The following BFSP2 variants were observed in gnomAD, a reference collection of about 807,000 sequenced individuals.
BFSP2 encodes the protein beaded filament structural protein 2.
Under a neutral mutation model 44.9 loss-of-function variants are expected in BFSP2, and 38 were observed. The observed-to-expected ratio is 0.85, with a 90% CI of 0.65 to 1.11. The LOEUF (loss-of-function observed/expected upper bound fraction) is 1.11. Ranked by LOEUF, BFSP2 falls within the 50% of genes least tolerant of loss-of-function variation. The probability of loss-of-function intolerance (pLI) is 0.00; values close to 1 mark genes in which losing one functional copy is unlikely to be tolerated. For missense variants in BFSP2, 525 were observed against 533.0 expected, an observed-to-expected ratio of 0.99 and a Z score of 0.15; for synonymous variants, 197 against 209.9, an observed-to-expected ratio of 0.94 and a Z score of 0.53.
rs113574064 is a variant in BFSP2 at position 133,409,634 on chromosome 3, C to A, written c.489+9062C>A. Among the ~76,000 whole-genome samples, 337 of 152,218 alleles carry A rather than the reference C, an allele frequency of 2.2e-3. 1 individual carries two copies. The highest frequency in any genetic ancestry group is 7.8e-3 in the African/African-American group (326 of 41,534). On this transcript the variant is annotated intron_variant, in intron 1 of 6. Transcript: ENST00000302334. ...GACGAGTCTGAAACACCTTGTCATACCAGAAAGCAAGGACGCTATGAAAAA... is the reference window on the plus strand; with the variant it reads ...GACGAGTCTGAAACACCTTGTCATAACAGAAAGCAAGGACGCTATGAAAAA...
chr3:133,405,105 G>A (rs1398927670), intron 1 of BFSP2, among the ~76,000 whole-genome samples: 1 of 152,216 alleles, frequency 6.6e-6, no homozygotes, highest in Admixed American at 6.5e-5. Context: ...GATGAAAGGA[G>A]AGTGGGGTCA....
At position 133,400,071 on chromosome 3, in the gene BFSP2, G is replaced by T. The variant is rs760866070; in HGVS notation, c.-13G>T. The T allele has an allele frequency of 4.3e-6, 7 of 1,614,162 alleles. No individual in the cohort carries two copies. Among genetic ancestry groups the T allele is most frequent in the Non-Finnish European group, 5.9e-6 (7 of 1,180,044 alleles). ...CTGTAAACCCACTGGGCACCACAGA[G>T]GCAGAAGGGGTGATGAGTGAGAGGC... On this transcript the variant is annotated 5_prime_UTR_variant, in exon 1 of 7. The change creates a new upstream start codon in the 5' untranslated region. Coordinates refer to ENST00000302334, the MANE Select transcript of BFSP2 (RefSeq NM_003571.4). The surrounding 1 kb of genome is among the most constrained non-coding windows in gnomAD (Gnocchi z 4.0).
chr3:133,425,913 G>GGGCAAGGGAA (rs200356453), intron 1 of BFSP2, among the ~76,000 whole-genome samples: 1,215 of 48,264 alleles, frequency 0.025, 53 homozygotes, highest in African/African-American at 0.066. Context: ...AGAGAAAGGA[G>GGGCAAGGGAA]GGCAAGGGAA....
chr3:133,448,549 A>T lies in BFSP2; in HGVS notation c.633A>T (p.Lys211Asn), dbSNP rs1202624064. The part of the protein sequence containing the change: ...AAEEEINSLY[K>N]VIDEANLTKM... Reference sequence around the variant, plus strand: ...AAGAGGAAATTAACTCTCTGTATAAAGTCATTGATGAGGCTAATTTGACTA... The same window carrying T: ...AAGAGGAAATTAACTCTCTGTATAATGTCATTGATGAGGCTAATTTGACTA... Residue 211 changes from lysine to asparagine, a missense_variant, in exon 3 of 7, where the codon AAA becomes AAT. By Grantham distance (94) the Lys-to-Asn change is moderately conservative. Coordinates refer to ENST00000302334, the MANE Select transcript of BFSP2 (RefSeq NM_003571.4). 6.2e-7 allele frequency: 1 copy of T among 1,614,060 alleles called. No individual in the cohort carries two copies. The highest frequency in any genetic ancestry group is 1.3e-5 in the African/African-American group (1 of 74,942).
At chr3:133,468,547 T>G (rs889641903) in intron 5 of BFSP2, among the ~76,000 whole-genome samples, 2 of 152,162 alleles carry the variant, frequency 1.3e-5, no homozygotes, top group South Asian at 4.1e-4. Context: ...GTGCATCTCT[T>G]TTTCTCTCTC....
At chr3:133,436,840 G>A (rs942145851) in intron 1 of BFSP2, among the ~76,000 whole-genome samples, 28 of 152,170 alleles carry the variant, frequency 1.8e-4, no homozygotes, top group Non-Finnish European at 4.0e-4. Flanking sequence ...CCACCTATGA[G>A]TGAGAACATG....
In BFSP2 at chr3:133,472,473, G is replaced by T; in HGVS notation, c.1152G>T (p.Gln384His). ...LREIRAEAEQ[Q>H]QQERAHLLAR... ...AAATCCGAGCGGAGGCGGAGCAGCA[G>T]CAACAGGAGCGCGCGCATCTGCTGG... The change falls in exon 6 of 7, where the codon CAG (glutamine) becomes CAT (histidine). Residue 384 changes from glutamine (Q) to histidine (H), a missense_variant. By Grantham distance (24) the Gln-to-His change is conservative (BLOSUM62 0). Coordinates refer to ENST00000302334, the MANE Select transcript of BFSP2 (RefSeq NM_003571.4). The T allele has an allele frequency of 6.2e-7, 1 of 1,613,874 alleles. No individual in the cohort carries two copies. Among genetic ancestry groups the T allele is most frequent in the Non-Finnish European group, 8.5e-7 (1 of 1,180,018 alleles).
intron 4 of BFSP2, among the ~76,000 whole-genome samples, chr3:133,465,203 C>T (rs1354519308): frequency 6.6e-6 from 1 of 151,942 alleles, no homozygotes; most frequent in East Asian, 1.9e-4. Flanking sequence ...GACGGGTTTT[C>T]ACCATATTGG....
At chr3:133,472,744 TATATA>T (rs2074176966) in intron 6 of BFSP2, among the ~76,000 whole-genome samples, 179 bp downstream of exon 6, 1 of 152,308 alleles carries the variant, frequency 6.6e-6, no homozygotes, top group Admixed American at 6.5e-5. Flanking sequence ...ACAAATAATA[TATATA>T]ATATATTCAC....
chr3:133,435,203 T>A (rs1394789042), intron 1 of BFSP2, among the ~76,000 whole-genome samples: 1 of 152,200 alleles, frequency 6.6e-6, no homozygotes, highest in Non-Finnish European at 1.5e-5. Flanking sequence ...GCAGAAGCAT[T>A]TGTCATGATG....
At chr3:133,447,220 G>T in intron 1 of BFSP2, 97 bp from the exon 2 acceptor site, 1 of 1,255,106 alleles carries the variant, frequency 8.0e-7, no homozygotes. Flanking sequence ...GTTCTCTGAG[G>T]TCCCCCAGAG....
intron 6 of BFSP2, 87 bp downstream of exon 6, chr3:133,472,652 TAAG>T (rs2074176071): frequency 4.0e-6 from 6 of 1,498,614 alleles, no homozygotes; most frequent in South Asian, 3.6e-5. Context: ...TAGAAGTATT[TAAG>T]AAGAAATCAC....
intron 1 of BFSP2, among the ~76,000 whole-genome samples, chr3:133,414,977 ATCTCTCCTCTACTCACCCTTGTCC>A (rs2073501968): frequency 2.8e-5 from 1 of 36,306 alleles, no homozygotes; most frequent in Non-Finnish European, 5.2e-5. Context: ...CACCCCTGCC[ATCTCTCCTCTACTCACCCTTGTCC>A]TCTCTCCTCT....
Position 133,448,476 on chromosome 3 carries a change from C to T in BFSP2, c.573-13C>T. 1 of 1,613,460 alleles carries T rather than the reference C, an allele frequency of 6.2e-7. No individual in the cohort carries two copies. On this transcript the variant is annotated splice_polypyrimidine_tract_variant and intron_variant, in intron 2 of 6. Transcript: ENST00000302334. Reference sequence around the variant, plus strand: ...GCTACTCAGTTATGCTAATTAAGTTCCTTTATCTGCAGATATGAAAATGAG... The same window carrying T: ...GCTACTCAGTTATGCTAATTAAGTTTCTTTATCTGCAGATATGAAAATGAG...
In BFSP2 at chr3:133,472,422, C is replaced by T; in HGVS notation, c.1101C>T (p.Val367=). Residue 367 remains valine, a synonymous_variant, in exon 6 of 7, where the codon GTC becomes GTT. Coordinates refer to ENST00000302334, the MANE Select transcript of BFSP2 (RefSeq NM_003571.4). The stretch of plus-strand genomic sequence containing the variant: ...AGCTCCAGAACCTGGGCGCTGTGGT[C>T]GGCCGGCTGGAGGCGGAGCTCAGGG... ...DMELQNLGAV[V]GRLEAELREI... 1.2e-6 allele frequency: 2 copies of T among 1,614,110 alleles called. No individual in the cohort carries two copies. Among genetic ancestry groups the T allele is most frequent in the Non-Finnish European group, 1.7e-6 (2 of 1,180,010 alleles).
In BFSP2 at chr3:133,447,376, C is replaced by T. The variant is rs775010322; in HGVS notation, c.549C>T (p.Ala183=). ...TGCTGCAGACAGAAACTATCCAGGC[C>T]GGAGCAGATGACTTTAAAGAGAGGT... ...RLMLQTETIQ[A]GADDFKERYE... is the part of the protein sequence containing the mutation. Residue 183 remains alanine (A), a synonymous_variant, in exon 2 of 7, where the codon GCC becomes GCT. Coordinates refer to ENST00000302334, the MANE Select transcript of BFSP2 (RefSeq NM_003571.4). 13 of 1,613,800 alleles carry T rather than the reference C, an allele frequency of 8.1e-6. No individual in the cohort carries two copies. Among genetic ancestry groups the T allele is most frequent in the Admixed American group, 1.7e-5 (1 of 59,968 alleles).
intron 4 of BFSP2, among the ~76,000 whole-genome samples, chr3:133,461,865 G>A (rs747263613): frequency 1.2e-4 from 19 of 152,202 alleles, no homozygotes; most frequent in Non-Finnish European, 2.5e-4. Flanking sequence ...TAACACCTCT[G>A]TTGTACTTAT....
At chr3:133,408,325 T>C (rs576118508) in intron 1 of BFSP2, among the ~76,000 whole-genome samples, 10 of 152,328 alleles carry the variant, frequency 6.6e-5, no homozygotes, top group African/African-American at 2.2e-4. Context: ...CTTTTACCTA[T>C]CCAATTAGCA....
chr3:133,438,545 C>CA (rs902121784), intron 1 of BFSP2, among the ~76,000 whole-genome samples: 1 of 150,082 alleles, frequency 6.7e-6, no homozygotes, highest in Admixed American at 6.6e-5. Flanking sequence ...AGAAACAAAA[C>CA]AAAAAAAGAA....
Sources: allele counts gnomAD v4.1 joint callset (sites outside exome capture counted in the v4.1 genomes callset), GRCh38; gene constraint gnomAD v4.1.1; non-coding constraint Gnocchi (gnomAD v3.1); transcripts MANE v1.5; gene names NCBI Gene and HGNC (gene_info 2026-07-23, HGNC 2026-07-21).